KCNT2: variants seen among roughly 807,000 people sequenced by gnomAD.
KCNT2 encodes potassium channel subfamily T member 2.
Under a neutral mutation model 153.8 loss-of-function variants are expected in KCNT2, and 67 were observed. That is an observed-to-expected ratio of 0.44 (90% CI 0.36 to 0.53). The LOEUF (loss-of-function observed/expected upper bound fraction) is 0.53, where lower values mean the gene tolerates loss of function less well. KCNT2 is among the 20% of genes least tolerant of loss of function. The pLI is 0.00. For synonymous variants in KCNT2, 500 were observed against 458.8 expected, an observed-to-expected ratio of 1.09 and a Z score of -1.15; for missense variants, 975 against 1,354.8, an observed-to-expected ratio of 0.72 and a Z score of 4.40.
intron 26 of KCNT2, among the ~76,000 whole-genome samples, chr1:196,251,245 A>G (rs1447753505): frequency 1.3e-5 from 2 of 152,112 alleles, no homozygotes. Context: ...AATATGATAC[A>G]TATATACAAT....
Position 196,608,384 on chromosome 1 carries a change from T to A in KCNT2, c.-75A>T. On this transcript the variant is annotated 5_prime_UTR_variant, in exon 1 of 28. Coordinates refer to ENST00000294725, the MANE Select transcript of KCNT2 (RefSeq NM_198503.5). ...GAGAAAGAAAGAAAATATTGCGGAG[T>A]ACAGGGAGAGGACTAACAAGACGCT... 1 of 1,208,060 alleles carries A rather than the reference T, an allele frequency of 8.3e-7. No homozygotes were observed. The highest frequency in any genetic ancestry group is 1.2e-5 in the South Asian group (1 of 81,860). 74.8% of individuals were successfully genotyped at this position (1,208,060 alleles called of 1,614,324 possible). A position where few individuals can be genotyped will look rare whatever the true frequency, so the allele number is the denominator to read the frequency against.
chr1:196,238,578 A>C (rs1203745881), intron 26 of KCNT2, among the ~76,000 whole-genome samples: 1 of 151,978 alleles, frequency 6.6e-6, no homozygotes, highest in African/African-American at 2.4e-5. Context: ...TGCTGACTTC[A>C]AAGCTATTCT....
chr1:196,338,757 G>C (rs1049564523), intron 16 of KCNT2, among the ~76,000 whole-genome samples: 6 of 151,850 alleles, frequency 4.0e-5, no homozygotes, highest in Admixed American at 3.9e-4. Context: ...AGTTCAGGGA[G>C]AGAAGGATGG....
intron 15 of KCNT2, among the ~76,000 whole-genome samples, chr1:196,341,440 AAGTTGGGGGTTCCT>A (rs1438296013): frequency 3.3e-5 from 5 of 152,032 alleles, no homozygotes; most frequent in Non-Finnish European, 5.9e-5. Flanking sequence ...AAAGCATCAT[AAGTTGGGGGTTCCT>A]GTACATTACA....
At chr1:196,269,887 G>A (rs1317828716) in intron 25 of KCNT2, among the ~76,000 whole-genome samples, 1 of 151,946 alleles carries the variant, frequency 6.6e-6, no homozygotes, top group Non-Finnish European at 1.5e-5. Flanking sequence ...CAATCCTTTT[G>A]TAACGTACTC....
At chr1:196,586,725 C>A (rs78108853) in intron 1 of KCNT2, among the ~76,000 whole-genome samples, 5 of 120,928 alleles carry the variant, frequency 4.1e-5, no homozygotes, top group African/African-American at 3.6e-4. Flanking sequence ...TTAAAAAAAA[C>A]AACAACAACA....
chr1:196,296,398 T>C (rs1253891956), intron 22 of KCNT2, among the ~76,000 whole-genome samples: 2 of 152,004 alleles, frequency 1.3e-5, no homozygotes, highest in Non-Finnish European at 2.9e-5. Context: ...TAACAATGAA[T>C]ATATTACAAA....
intron 1 of KCNT2, among the ~76,000 whole-genome samples, chr1:196,512,251 T>C (rs1681694459): frequency 6.6e-6 from 1 of 152,134 alleles, no homozygotes; most frequent in Non-Finnish European, 1.5e-5. Context: ...AGCTGGCTCT[T>C]TCTGCTCTAC....
At chr1:196,418,003 A>G (rs967985154) in intron 12 of KCNT2, among the ~76,000 whole-genome samples, 9 of 152,122 alleles carry the variant, frequency 5.9e-5, no homozygotes, top group African/African-American at 1.9e-4. Context: ...TGTTAAATCA[A>G]TCTTCAGTGT....
chr1:196,389,233 C>T (rs1184950118), intron 13 of KCNT2, among the ~76,000 whole-genome samples: 2 of 151,712 alleles, frequency 1.3e-5, no homozygotes, highest in Non-Finnish European at 3.0e-5. Flanking sequence ...ATTGGATTTG[C>T]TACTGATTTG....
At chr1:196,530,979 G>A (rs918056078) in intron 1 of KCNT2, among the ~76,000 whole-genome samples, 6 of 151,944 alleles carry the variant, frequency 3.9e-5, no homozygotes, top group African/African-American at 1.5e-4. Context: ...GTTAGTTTCC[G>A]ATAAAACTTA....
At chr1:196,276,862 T>G (rs1658620425) in intron 25 of KCNT2, among the ~76,000 whole-genome samples, 3 of 152,120 alleles carry the variant, frequency 2.0e-5, no homozygotes, top group Non-Finnish European at 4.4e-5. Context: ...GTATGTGACC[T>G]ATCGCACGTC....
chr1:196,450,350 A>G (rs745318121), intron 8 of KCNT2, among the ~76,000 whole-genome samples: 5 of 151,906 alleles, frequency 3.3e-5, no homozygotes, highest in Admixed American at 6.6e-5. Context: ...GTTGATGATT[A>G]CCAAATTTAC....
intron 1 of KCNT2, among the ~76,000 whole-genome samples, chr1:196,514,965 C>G (rs529177292): frequency 2.6e-5 from 4 of 152,188 alleles, no homozygotes; most frequent in African/African-American, 9.6e-5. Context: ...ACAAATGAAA[C>G]AAACCCACAA....
intron 26 of KCNT2, among the ~76,000 whole-genome samples, chr1:196,240,541 G>A (rs1654859031): frequency 1.3e-5 from 2 of 151,998 alleles, no homozygotes; most frequent in African/African-American, 2.4e-5. Flanking sequence ...AATTATATAT[G>A]TATTGCTATG....
chr1:196,468,568 A>G (rs775759938), intron 6 of KCNT2, among the ~76,000 whole-genome samples: 6 of 152,062 alleles, frequency 3.9e-5, no homozygotes, highest in Admixed American at 6.6e-5. Flanking sequence ...CAATCTCCTT[A>G]CTAAAAACAG....
rs76202139 is a variant in KCNT2, at chr1:196,241,843, C to T, written c.3212-5773G>A. 4.7e-3 allele frequency among the ~76,000 whole-genome samples: 721 copies of T among 152,090 alleles called. 4 individuals are homozygous for T. The highest frequency in any genetic ancestry group is 0.017 in the Middle Eastern group (5 of 294). ...TTTCTTAAAAACCTATGTCACTACC[C>T]TACTTGTGTTTAAAAGAAAACACAG... On this transcript the variant is annotated intron_variant, in intron 26 of 27. Coordinates refer to ENST00000294725, the MANE Select transcript of KCNT2 (RefSeq NM_198503.5).
At chr1:196,409,892 T>C (rs768346488) in intron 12 of KCNT2, among the ~76,000 whole-genome samples, 1 of 151,694 alleles carries the variant, frequency 6.6e-6, no homozygotes. Context: ...CATAGCTGCT[T>C]CACTATTTTA....
At chr1:196,365,188 A>G (rs1235287765) in intron 14 of KCNT2, among the ~76,000 whole-genome samples, 1 of 152,076 alleles carries the variant, frequency 6.6e-6, no homozygotes, top group Non-Finnish European at 1.5e-5. Flanking sequence ...TGCTTATACT[A>G]ATAGAAGTTA....
Sources: gnomAD v4.1 joint callset for allele counts (sites outside exome capture counted in the v4.1 genomes callset) on GRCh38, gnomAD v4.1.1 for gene constraint, MANE v1.5 for transcripts, NCBI Gene and HGNC (gene_info 2026-07-23, HGNC 2026-07-21) for gene names.